The following SPTAN1 variants were observed in gnomAD, a reference collection of about 807,000 sequenced individuals.
SPTAN1 encodes spectrin alpha, non-erythrocytic 1, also known as spectrin alpha chain, non-erythrocytic 1.
SPTAN1 carries 61 observed loss-of-function variants against 331.3 expected under a neutral mutation model. That is an observed-to-expected ratio of 0.18 (90% CI 0.15 to 0.23). SPTAN1 has a LOEUF of 0.23. SPTAN1 is among the 10% of genes least tolerant of loss of function. The probability of loss-of-function intolerance (pLI) is 1.00; values close to 1 mark genes in which losing one functional copy is unlikely to be tolerated. For synonymous variants in SPTAN1, 1,153 were observed against 1,173.9 expected (o/e 0.98, Z 0.36); for missense variants, 2,043 against 3,147.9 (o/e 0.65, Z 8.40).
At chr9:128,593,134 C>A in intron 23 of SPTAN1, 92 bp downstream of exon 23, 1 of 1,389,574 alleles carries the variant, frequency 7.2e-7, no homozygotes, top group African/African-American at 1.4e-5. Flanking sequence ...CTTTGTCCAT[C>A]CAGAAAGATG....
In SPTAN1 at chr9:128,627,678, C is replaced by G. The variant is rs931513565; in HGVS notation, c.6689+180C>G. On this transcript the variant is annotated intron_variant, in intron 50 of 56. Coordinates refer to ENST00000372739, the MANE Select transcript of SPTAN1 (RefSeq NM_001130438.3). This position sits in a 1 kb window ranked among gnomAD's most constrained non-coding sequence, Gnocchi z 4.9. ...GCCGGGAGTGGGGGCATAGGTGGAG[C>G]AGCCTCTCAGTGCTGCATGTCCCAG... The G allele has an allele frequency of 2.6e-6, 2 of 780,032 alleles. No individual in the cohort carries two copies. The highest frequency in any genetic ancestry group is 4.4e-6 in the Non-Finnish European group (2 of 450,822). 48.3% of individuals were successfully genotyped at this position (780,032 alleles called of 1,614,324 possible).
intron 26 of SPTAN1, chr9:128,599,288 C>A: frequency 2.5e-6 from 1 of 405,450 alleles, no homozygotes; most frequent in Non-Finnish European, 4.6e-6. Flanking sequence ...GCATGTGGCA[C>A]CACACCCAGC....
At chr9:128,599,470 CAAAA>C (rs564300550) in intron 26 of SPTAN1, 11 of 157,036 alleles carry the variant, frequency 7.0e-5, no homozygotes, top group Middle Eastern at 3.0e-3. Flanking sequence ...CTCCAAAAGA[CAAAA>C]AAAGTTGGTT....
chr9:128,578,789 A>C (rs980168198), intron 9 of SPTAN1, among the ~76,000 whole-genome samples: 1 of 148,130 alleles, frequency 6.8e-6, no homozygotes, highest in Non-Finnish European at 1.5e-5. Context: ...AGATCACACC[A>C]TTCCACTCCC....
rs769380398 is a variant in SPTAN1, at chr9:128,584,459, C to A, written c.2371C>A (p.Arg791=). 29 of 1,614,042 alleles carry A rather than the reference C, an allele frequency of 1.8e-5. No homozygotes were observed. Among genetic ancestry groups the A allele is most frequent in the Non-Finnish European group, 2.5e-5 (29 of 1,179,980 alleles). Reference sequence around the variant, plus strand: ...TTCTCTGCGGTTGCAGCAGCTCTTCCGGGATGTTGAGGATGAGGAGACGTG... The same window carrying A: ...TTCTCTGCGGTTGCAGCAGCTCTTCAGGGATGTTGAGGATGAGGAGACGTG... ...ADSLRLQQLF[R]DVEDEETWIR... The change falls in exon 17 of 57, where the codon CGG becomes AGG. Residue 791 remains arginine (R), a synonymous_variant. Coordinates refer to ENST00000372739, the MANE Select transcript of SPTAN1 (RefSeq NM_001130438.3).
chr9:128,627,532 T>C lies in SPTAN1; in HGVS notation c.6689+34T>C, dbSNP rs1440867944. The C allele has an allele frequency of 7.2e-6, 11 of 1,521,510 alleles. No individual in the cohort carries two copies. The highest frequency in any genetic ancestry group is 1.2e-5 in the South Asian group (1 of 83,612). 94.3% of individuals were successfully genotyped at this position (1,521,510 alleles called of 1,614,324 possible). ...CCGCTGGGGCCGGGGAGCAGCAGCATGTCCCTGCTGTACTTAAGCCCTGGG... is the reference window on the plus strand; with the variant it reads ...CCGCTGGGGCCGGGGAGCAGCAGCACGTCCCTGCTGTACTTAAGCCCTGGG... On this transcript the variant is annotated intron_variant, in intron 50 of 56. Coordinates refer to ENST00000372739, the MANE Select transcript of SPTAN1 (RefSeq NM_001130438.3). This position sits in a 1 kb window ranked among gnomAD's most constrained non-coding sequence, Gnocchi z 4.9.
intron 36 of SPTAN1, 40 bp from the exon 37 acceptor site, chr9:128,609,611 C>G (rs1564283704): frequency 2.0e-6 from 3 of 1,502,438 alleles, no homozygotes; most frequent in Non-Finnish European, 1.8e-6. Context: ...GTGTCCACAT[C>G]AGTGTACTGA....
At chr9:128,598,245 C>G (rs118026701) in intron 24 of SPTAN1, among the ~76,000 whole-genome samples, 155 bp from the exon 25 acceptor site, 3 of 152,026 alleles carry the variant, frequency 2.0e-5, no homozygotes, top group Non-Finnish European at 4.4e-5. Context: ...ACCATGCCCC[C>G]AGCCATAGCT....
At chr9:128,572,465 C>T (rs10819411) in intron 3 of SPTAN1, among the ~76,000 whole-genome samples, 28,692 of 95,028 alleles carry the variant, frequency 0.3, 3,647 homozygotes, top group East Asian at 0.55. Context: ...TGGGACAGGC[C>T]TTGCCCTAGT....
At chr9:128,600,973 T>A in intron 27 of SPTAN1, among the ~76,000 whole-genome samples, 1 of 104,712 alleles carries the variant, frequency 9.6e-6, no homozygotes, top group Non-Finnish European at 1.9e-5. Context: ...AGGGAGAAAG[T>A]CTTTTTTTTT....
In SPTAN1 at chr9:128,607,900, G is replaced by C; in HGVS notation, c.4195G>C (p.Glu1399Gln). 6.2e-7 allele frequency: 1 copy of C among 1,614,084 alleles called. No individual in the cohort carries two copies. Among genetic ancestry groups the C allele is most frequent in the Non-Finnish European group, 8.5e-7 (1 of 1,180,034 alleles). The change falls in exon 33 of 57, where the codon GAG (glutamate) becomes CAG (glutamine). Residue 1399 changes from glutamate (E) to glutamine (Q), a missense_variant. Glu to Gln is a conservative substitution (Grantham distance 29). Transcript: ENST00000372739. Reference sequence around the variant, plus strand: ...CAGGGCTGGCACTTTCCAGGCATTTGAGCAGTTTGGACAGCAGCTGTTGGC... The same window carrying C: ...CAGGGCTGGCACTTTCCAGGCATTTCAGCAGTTTGGACAGCAGCTGTTGGC... ...DARAGTFQAF[E>Q]QFGQQLLAHG...
chr9:128,588,757 G>A (rs1853022035), intron 20 of SPTAN1, 52 bp from the exon 21 acceptor site: 3 of 1,610,302 alleles, frequency 1.9e-6, no homozygotes, highest in Non-Finnish European at 2.5e-6. Flanking sequence ...GTACTTAGAT[G>A]ACTCAGCGCG....
chr9:128,590,733 C>G (rs1002190749), intron 21 of SPTAN1, among the ~76,000 whole-genome samples: 2 of 151,984 alleles, frequency 1.3e-5, no homozygotes, highest in East Asian at 3.9e-4. Flanking sequence ...CACCTGTAGT[C>G]CCAGCTACTT....
chr9:128,587,285 A>T (rs1852780724), intron 19 of SPTAN1, among the ~76,000 whole-genome samples: 1 of 151,742 alleles, frequency 6.6e-6, no homozygotes, highest in Admixed American at 6.6e-5. Flanking sequence ...AGGTTTCAGT[A>T]TGTTGCCCAG....
intron 23 of SPTAN1, 55 bp downstream of exon 23, chr9:128,593,097 T>G: frequency 6.4e-7 from 1 of 1,551,454 alleles, no homozygotes; most frequent in South Asian, 1.2e-5. Flanking sequence ...CCCTATCCAT[T>G]CTCCCTCTGC....
chr9:128,568,240 C>G (rs4395990), intron 2 of SPTAN1, among the ~76,000 whole-genome samples: 114,253 of 152,088 alleles, frequency 0.75, 45,566 homozygotes, highest in Non-Finnish European at 0.9. Context: ...AGGTACAATC[C>G]CTGCCTGGCA....
intron 19 of SPTAN1, 139 bp downstream of exon 19, chr9:128,586,104 T>C: frequency 1.4e-6 from 1 of 718,108 alleles, no homozygotes; most frequent in East Asian, 3.0e-5. Context: ...GAATCCATTT[T>C]TCACTTGGTT....
intron 1 of SPTAN1, among the ~76,000 whole-genome samples, chr9:128,565,902 G>A (rs1305192730): frequency 6.6e-6 from 1 of 152,182 alleles, no homozygotes; most frequent in African/African-American, 2.4e-5. Flanking sequence ...AGAGCACGTC[G>A]TTTTTCCTGA....
intron 27 of SPTAN1, among the ~76,000 whole-genome samples, chr9:128,600,977 T>TTTTTTTTTTTTTTTC (rs1855061085): frequency 1.5e-5 from 1 of 66,654 alleles, no homozygotes; most frequent in Non-Finnish European, 3.0e-5. Flanking sequence ...AGAAAGTCTT[T>TTTTTTTTTTTTTTTC]TTTTTTTTTT....
Sources: allele counts gnomAD v4.1 joint callset (sites outside exome capture counted in the v4.1 genomes callset), GRCh38; gene constraint gnomAD v4.1.1; non-coding constraint Gnocchi (gnomAD v3.1); transcripts MANE v1.5; gene names NCBI Gene and HGNC (gene_info 2026-07-23, HGNC 2026-07-21).